The following SZRD1 variants were observed in gnomAD, a reference collection of about 807,000 sequenced individuals.
The protein encoded by SZRD1 is SUZ RNA binding domain containing 1.
Under a neutral mutation model 17.6 loss-of-function variants are expected in SZRD1, and 7 were observed. That is an observed-to-expected ratio of 0.40 (90% CI 0.23 to 0.75). SZRD1 has a LOEUF of 0.75. Ranked by LOEUF, SZRD1 falls within the 30% of genes least tolerant of loss-of-function variation. The probability of loss-of-function intolerance (pLI) is 0.38; values close to 1 mark genes in which losing one functional copy is unlikely to be tolerated. For synonymous variants in SZRD1, 77 were observed against 77.9 expected (o/e 0.99, Z 0.06); for missense variants, 178 against 201.8 (o/e 0.88, Z 0.71).
intron 1 of SZRD1, chr1:16,390,417 G>C (rs1463012322): frequency 6.6e-6 from 1 of 152,316 alleles, no homozygotes; most frequent in Non-Finnish European, 1.5e-5. Context: ...AGTCCTGCCT[G>C]CTCCTCCTTC....
chr1:16,390,332 T>C (rs2085202126), intron 1 of SZRD1, among the ~76,000 whole-genome samples: 1 of 152,218 alleles, frequency 6.6e-6, no homozygotes, highest in Non-Finnish European at 1.5e-5. Flanking sequence ...GCTGATGGGC[T>C]GAGGGCTCAG....
In SZRD1 at chr1:16,395,396, G is replaced by A. The variant is rs1231964656; in HGVS notation, c.*256G>A. ...AGTCAATGGAAAGGGAAAGGGTGGGGGTTAGGGGAAGGTTGGGGGGACCCA... is the reference window on the plus strand; with the variant it reads ...AGTCAATGGAAAGGGAAAGGGTGGGAGTTAGGGGAAGGTTGGGGGGACCCA... On this transcript the variant is annotated 3_prime_UTR_variant, in exon 4 of 4. Transcript: ENST00000401088. The A allele has an allele frequency of 2.2e-5, 11 of 499,306 alleles. No homozygotes were observed. Among genetic ancestry groups the A allele is most frequent in the Admixed American group, 1.4e-4 (4 of 29,502 alleles). 30.9% of individuals were successfully genotyped at this position (499,306 alleles called of 1,614,324 possible). A position where few individuals can be genotyped will look rare whatever the true frequency, so the allele number is the denominator to read the frequency against.
chr1:16,377,530 A>G (rs991141569), intron 1 of SZRD1, among the ~76,000 whole-genome samples: 9 of 150,288 alleles, frequency 6.0e-5, no homozygotes, highest in African/African-American at 2.2e-4. Context: ...GGTTGCAGTT[A>G]GCCAAGATCA....
chr1:16,386,196 C>G (rs543804721), intron 1 of SZRD1, among the ~76,000 whole-genome samples: 1 of 152,358 alleles, frequency 6.6e-6, no homozygotes, highest in African/African-American at 2.4e-5. Flanking sequence ...GGCCACCGCC[C>G]TGTGTGGTAT....
intron 3 of SZRD1, among the ~76,000 whole-genome samples, chr1:16,394,303 G>C (rs1054986023): frequency 5.3e-5 from 8 of 152,310 alleles, no homozygotes; most frequent in African/African-American, 1.9e-4. Flanking sequence ...TAACCGCAGA[G>C]TTTGGAGAGG....
At chr1:16,368,585 G>C (rs2082861675) in intron 1 of SZRD1, among the ~76,000 whole-genome samples, 2 of 152,182 alleles carry the variant, frequency 1.3e-5, no homozygotes, top group South Asian at 2.1e-4. Flanking sequence ...TCTTTCTTGA[G>C]TTTTGGCTTA....
chr1:16,376,432 C>T (rs1002703714), intron 1 of SZRD1, among the ~76,000 whole-genome samples: 3 of 152,190 alleles, frequency 2.0e-5, no homozygotes, highest in Non-Finnish European at 4.4e-5. Context: ...ACAGTGACTA[C>T]AAGTGAGATG....
chr1:16,385,626 T>C (rs1187639901), intron 1 of SZRD1, among the ~76,000 whole-genome samples: 1 of 152,216 alleles, frequency 6.6e-6, no homozygotes, highest in African/African-American at 2.4e-5. Flanking sequence ...TCCCTATCTT[T>C]TGTCACCTTT....
intron 1 of SZRD1, among the ~76,000 whole-genome samples, chr1:16,390,989 ATGATCAGATTTATGT>A (rs1489713349): frequency 6.6e-6 from 1 of 152,198 alleles, no homozygotes; most frequent in Non-Finnish European, 1.5e-5. Flanking sequence ...GGGAAGTGAC[ATGATCAGATTTATGT>A]TTAATTTTTT....
At position 16,367,252 on chromosome 1, in the gene SZRD1, A is replaced by T. The variant is rs1418315584; in HGVS notation, c.-6A>T. The stretch of plus-strand genomic sequence containing the variant: ...GGGTGGGGGAGGAGGGAAAGCGGCG[A>T]GTAAGATGGAAGATGAGGAGGTCGC... On this transcript the variant is annotated 5_prime_UTR_variant, in exon 1 of 4. Coordinates refer to ENST00000401088, the MANE Select transcript of SZRD1 (RefSeq NM_001114600.3). 6.5e-7 allele frequency: 1 copy of T among 1,548,078 alleles called. No individual in the cohort carries two copies. The highest frequency in any genetic ancestry group is 1.4e-5 in the African/African-American group (1 of 72,920).
chr1:16,375,780 C>T (rs1162328387), intron 1 of SZRD1, among the ~76,000 whole-genome samples: 1 of 152,190 alleles, frequency 6.6e-6, no homozygotes, highest in African/African-American at 2.4e-5. Context: ...TTGCATTCTT[C>T]AGGGGCCATG....
chr1:16,392,583 C>T (rs1287456254), intron 2 of SZRD1, among the ~76,000 whole-genome samples: 1 of 152,162 alleles, frequency 6.6e-6, no homozygotes, highest in Admixed American at 6.5e-5. Flanking sequence ...GTCCAAAAGA[C>T]CAGGGAGCCC....
intron 1 of SZRD1, among the ~76,000 whole-genome samples, chr1:16,374,405 A>G (rs1488357845): frequency 6.6e-6 from 1 of 152,222 alleles, no homozygotes; most frequent in Admixed American, 6.6e-5. Flanking sequence ...GCTTTTCACT[A>G]GTAACTTCTC....
chr1:16,394,767 C>T (rs780280816), intron 3 of SZRD1, among the ~76,000 whole-genome samples: 4 of 152,038 alleles, frequency 2.6e-5, no homozygotes, highest in East Asian at 1.9e-4. Context: ...CCAGCCTGGC[C>T]GACATGGTGA....
At chr1:16,369,078 GTTCT>G (rs1462575918) in intron 1 of SZRD1, 6 of 317,412 alleles carry the variant, frequency 1.9e-5, no homozygotes, top group Non-Finnish European at 3.4e-5. Flanking sequence ...CTTGTCGCGT[GTTCT>G]TTCTTTTTTC....
Position 16,398,047 on chromosome 1 carries a change from C to T in SZRD1, c.*2907C>T. Reference sequence around the variant, plus strand: ...AGTCTTACTCTGCTGGTGTAGCGGGCAGCTGCCCACTCCCACCCCACCCTG... The same window carrying T: ...AGTCTTACTCTGCTGGTGTAGCGGGTAGCTGCCCACTCCCACCCCACCCTG... On this transcript the variant is annotated 3_prime_UTR_variant, in exon 4 of 4. Coordinates refer to ENST00000401088, the MANE Select transcript of SZRD1 (RefSeq NM_001114600.3). 1.1e-6 allele frequency: 1 copy of T among 890,152 alleles called. No homozygotes were observed. The highest frequency in any genetic ancestry group is 1.3e-6 in the Non-Finnish European group (1 of 743,148). 55.1% of individuals were successfully genotyped at this position (890,152 alleles called of 1,614,324 possible).
intron 1 of SZRD1, chr1:16,387,205 T>G (rs74055649): frequency 0.012 from 5,049 of 428,466 alleles, 229 homozygotes; most frequent in African/African-American, 0.092. Context: ...AGAGGCGCAT[T>G]TACTCAGACA....
intron 1 of SZRD1, among the ~76,000 whole-genome samples, chr1:16,382,602 C>A (rs1003223507): frequency 1.3e-5 from 2 of 151,902 alleles, no homozygotes; most frequent in South Asian, 2.1e-4. Flanking sequence ...TCAAGCGATT[C>A]TCCTGCCTCA....
chr1:16,393,944 A>G lies in SZRD1; in HGVS notation c.356+462A>G, dbSNP rs1002078991. Among the ~76,000 whole-genome samples, 1 of 152,238 alleles carries G rather than the reference A, an allele frequency of 6.6e-6. No homozygotes were observed. Among genetic ancestry groups the G allele is most frequent in the Non-Finnish European group, 1.5e-5 (1 of 68,038 alleles). Reference sequence around the variant, plus strand: ...GAGAGCCTGGGCTGGCAGAGTGGAAAGTACCCCAGATAAGTGCTTTGATGA... The same window carrying G: ...GAGAGCCTGGGCTGGCAGAGTGGAAGGTACCCCAGATAAGTGCTTTGATGA... On this transcript the variant is annotated intron_variant, in intron 3 of 3. Coordinates refer to ENST00000401088, the MANE Select transcript of SZRD1 (RefSeq NM_001114600.3). The surrounding 1 kb of genome is among the most constrained non-coding windows in gnomAD (Gnocchi z 5.6).
Sources: allele counts gnomAD v4.1 joint callset (sites outside exome capture counted in the v4.1 genomes callset), GRCh38; gene constraint gnomAD v4.1.1; non-coding constraint Gnocchi (gnomAD v3.1); transcripts MANE v1.5; gene names NCBI Gene and HGNC (gene_info 2026-07-23, HGNC 2026-07-21).